The following VWA8 variants were observed in gnomAD, a reference collection of about 807,000 sequenced individuals.
VWA8 encodes the protein von Willebrand factor A domain-containing protein 8.
In VWA8, 221 loss-of-function variants were observed where a neutral mutation model predicts 241.5. The ratio of observed to expected loss-of-function variants is 0.91; its 90% CI spans 0.82 to 1.02. VWA8 has a LOEUF of 1.02. Ranked by LOEUF, VWA8 falls within the 50% of genes least tolerant of loss-of-function variation. The pLI is 0.00. For missense variants in VWA8, 2,322 were observed against 2,328.7 expected (o/e 1.00, Z 0.06); for synonymous variants, 852 against 827.1 (o/e 1.03, Z -0.52).
intron 23 of VWA8, among the ~76,000 whole-genome samples, chr13:41,727,621 T>C (rs1169154076): frequency 6.6e-6 from 1 of 152,102 alleles, no homozygotes; most frequent in Non-Finnish European, 1.5e-5. Context: ...GCTTGAGATG[T>C]TTTTAGTCCT....
At chr13:41,813,711 AG>A (rs1233003232) in intron 16 of VWA8, among the ~76,000 whole-genome samples, 2 of 152,198 alleles carry the variant, frequency 1.3e-5, no homozygotes, top group African/African-American at 2.4e-5. Flanking sequence ...AGTAATAACC[AG>A]GGTTGAGAAA....
At chr13:41,704,237 T>C (rs868056411) in intron 26 of VWA8, among the ~76,000 whole-genome samples, 1 of 152,188 alleles carries the variant, frequency 6.6e-6, no homozygotes, top group Non-Finnish European at 1.5e-5. Context: ...TCTGCACACA[T>C]GTGTAACAAG....
chr13:41,706,515 C>G (rs1434341902), intron 26 of VWA8, among the ~76,000 whole-genome samples: 1 of 152,122 alleles, frequency 6.6e-6, no homozygotes, highest in Admixed American at 6.5e-5. Flanking sequence ...TGAGGTAAAC[C>G]CAAGACCCTC....
chr13:41,933,759 T>G (rs956563573), intron 2 of VWA8, among the ~76,000 whole-genome samples: 3 of 151,934 alleles, frequency 2.0e-5, no homozygotes, highest in African/African-American at 7.2e-5. Context: ...GATATCCATA[T>G]GCAAAAAATA....
chr13:41,720,445 G>A (rs1354230906), intron 25 of VWA8, among the ~76,000 whole-genome samples: 1 of 151,890 alleles, frequency 6.6e-6, no homozygotes, highest in Non-Finnish European at 1.5e-5. Context: ...TATATTTATG[G>A]GGTACAATGT....
intron 1 of VWA8, among the ~76,000 whole-genome samples, chr13:41,951,534 C>A (rs1350251731): frequency 6.6e-6 from 1 of 152,206 alleles, no homozygotes; most frequent in African/African-American, 2.4e-5. Flanking sequence ...TCCGAGTGAT[C>A]TTCTAAAGCC....
At chr13:41,605,712 G>T (rs182375698) in intron 39 of VWA8, among the ~76,000 whole-genome samples, 13 of 152,194 alleles carry the variant, frequency 8.5e-5, no homozygotes, top group Admixed American at 2.6e-4. Context: ...TCCTAAGAGG[G>T]TTCCCATGGG....
intron 15 of VWA8, among the ~76,000 whole-genome samples, chr13:41,818,266 T>G (rs1297296695): frequency 1.4e-5 from 2 of 147,288 alleles, no homozygotes; most frequent in Non-Finnish European, 3.0e-5. Flanking sequence ...CCTGGCCGAA[T>G]TTTTAAAAAA....
rs1211721918 is a variant in VWA8 at position 41,703,314 on chromosome 13, T to C, written c.3214A>G (p.Ile1072Val). The C allele has an allele frequency of 1.2e-6, 2 of 1,613,692 alleles. No homozygotes were observed. The highest frequency in any genetic ancestry group is 1.7e-6 in the Non-Finnish European group (2 of 1,179,616). Residue 1072 changes from isoleucine (I) to valine (V), a missense_variant, in exon 27 of 45, where the codon ATA becomes GTA. Transcript: ENST00000379310. ...ATGATGATATCAACCTTTATGTCTA[T>C]ATGATGAGTTTCCACTGGACACAAG... ...KLLCPVETHH[I>V]DIKGPALINI...
chr13:41,733,070 C>G (rs1453353159), intron 21 of VWA8, among the ~76,000 whole-genome samples: 1 of 152,106 alleles, frequency 6.6e-6, no homozygotes, highest in Non-Finnish European at 1.5e-5. Flanking sequence ...CACAAAGTTG[C>G]AATTGTGTTG....
intron 29 of VWA8, among the ~76,000 whole-genome samples, chr13:41,697,147 G>C (rs190763351): frequency 9.7e-4 from 147 of 152,110 alleles, no homozygotes; most frequent in African/African-American, 3.1e-3. Context: ...TAAATTTTAC[G>C]GTTGTCCTTT....
intron 2 of VWA8, among the ~76,000 whole-genome samples, chr13:41,940,671 G>A (rs886149012): frequency 6.6e-6 from 1 of 152,206 alleles, no homozygotes; most frequent in Non-Finnish European, 1.5e-5. Context: ...ACTGCATAAT[G>A]CATATGTGGC....
At chr13:41,718,585 T>C (rs1409089321) in intron 26 of VWA8, among the ~76,000 whole-genome samples, 1 of 152,008 alleles carries the variant, frequency 6.6e-6, no homozygotes, top group Non-Finnish European at 1.5e-5. Context: ...TTTGTTTCTC[T>C]TTTAGAAATT....
intron 37 of VWA8, among the ~76,000 whole-genome samples, chr13:41,658,865 A>C (rs2044929317): frequency 6.6e-6 from 1 of 152,182 alleles, no homozygotes; most frequent in Non-Finnish European, 1.5e-5. Context: ...GTGAGCAGTA[A>C]TATTACATGG....
chr13:41,891,682 G>C (rs1444807868), intron 4 of VWA8, 95 bp from the exon 5 acceptor site: 5 of 1,311,736 alleles, frequency 3.8e-6, no homozygotes, highest in Non-Finnish European at 5.3e-6. Context: ...TGCAGTTCTT[G>C]TTATAGGGAC....
In VWA8 at chr13:41,691,314, A is replaced by T. The variant is rs779591805; in HGVS notation, c.3866+6T>A. The T allele has an allele frequency of 6.2e-7, 1 of 1,611,680 alleles. No homozygotes were observed. The highest frequency in any genetic ancestry group is 2.2e-5 in the East Asian group (1 of 44,800). On this transcript the variant is annotated splice_donor_region_variant and intron_variant, in intron 32 of 44. Coordinates refer to ENST00000379310, the MANE Select transcript of VWA8 (RefSeq NM_015058.2). ...ACTCCATGATACACTATATAAAGCC[A>T]CTCACTGATTTGTTTTGCTCTCCAC... is the stretch of plus-strand genomic sequence containing the variant.
At chr13:41,845,443 G>A (rs993567025) in intron 12 of VWA8, among the ~76,000 whole-genome samples, 18 of 152,012 alleles carry the variant, frequency 1.2e-4, no homozygotes, top group African/African-American at 3.9e-4. Context: ...ATCTTCATTC[G>A]ACCCAGCAAT....
At chr13:41,590,898 T>A in intron 40 of VWA8, 133 bp from the exon 41 acceptor site, 1 of 1,154,878 alleles carries the variant, frequency 8.7e-7, no homozygotes, top group East Asian at 2.4e-5. Context: ...AACACAGTCA[T>A]ATAAATGAAG....
At chr13:41,856,075 C>A (rs928616598) in intron 12 of VWA8, among the ~76,000 whole-genome samples, 1 of 152,170 alleles carries the variant, frequency 6.6e-6, no homozygotes, top group African/African-American at 2.4e-5. Flanking sequence ...GTGGCTCAAG[C>A]CTATAGTCTC....
Sources: gnomAD v4.1 joint callset for allele counts (sites outside exome capture counted in the v4.1 genomes callset) on GRCh38, gnomAD v4.1.1 for gene constraint, MANE v1.5 for transcripts, NCBI Gene and HGNC (gene_info 2026-07-23, HGNC 2026-07-21) for gene names.